TBC1D9: variants seen among roughly 807,000 people sequenced by gnomAD.
TBC1D9 encodes TBC1 domain family member 9A.
In TBC1D9, 63 loss-of-function variants were observed where a neutral mutation model predicts 132.0. The observed-to-expected ratio is 0.48, with a 90% confidence interval of 0.39 to 0.59. The LOEUF (loss-of-function observed/expected upper bound fraction) is 0.59. TBC1D9 is among the 20% of genes least tolerant of loss of function. TBC1D9 has a pLI of 0.00. For missense variants in TBC1D9, 1,261 were observed against 1,592.7 expected, an observed-to-expected ratio of 0.79 and a Z score of 3.54; for synonymous variants, 610 against 609.9, an observed-to-expected ratio of 1.00 and a Z score of 0.00.
chr4:140,670,902 T>C lies in TBC1D9; in HGVS notation c.1084A>G (p.Ser362Gly), dbSNP rs772401643. 6.2e-7 allele frequency: 1 copy of C among 1,613,994 alleles called. No individual in the cohort carries two copies. The highest frequency in any genetic ancestry group is 8.5e-7 in the Non-Finnish European group (1 of 1,179,870). The change falls in exon 7 of 21, where the codon AGC becomes GGC. Residue 362 changes from serine (S) to glycine (G), a missense_variant. Transcript: ENST00000442267. ...REVTIVEKAD[S>G]SSVLPSPLSI... ...AAGGGACTGGGGAGCACACTGGAGC[T>C]GTCTGCCTTTTCCACAATTGTCACC...
At chr4:140,739,838 G>GA (rs1198263897) in intron 1 of TBC1D9, among the ~76,000 whole-genome samples, 5 of 150,876 alleles carry the variant, frequency 3.3e-5, no homozygotes, top group East Asian at 1.9e-4. Context: ...CTATCATATT[G>GA]AAAAAAAAAA....
intron 1 of TBC1D9, among the ~76,000 whole-genome samples, chr4:140,725,575 C>T (rs1294667837): frequency 6.6e-6 from 1 of 152,084 alleles, no homozygotes; most frequent in East Asian, 1.9e-4. Context: ...CTTTTTACAA[C>T]TGGTGGCAGT....
At chr4:140,717,284 G>C (rs1738350127) in intron 1 of TBC1D9, among the ~76,000 whole-genome samples, 1 of 152,142 alleles carries the variant, frequency 6.6e-6, no homozygotes, top group Non-Finnish European at 1.5e-5. Context: ...GTTGGGAGAG[G>C]GGTCAGGAAA....
rs764818370 is a variant in TBC1D9, at chr4:140,622,176, C to A, written c.*19G>T. On this transcript the variant is annotated 3_prime_UTR_variant, in exon 21 of 21. Coordinates refer to ENST00000442267, the MANE Select transcript of TBC1D9 (RefSeq NM_015130.3). The stretch of plus-strand genomic sequence containing the variant: ...CCCTCCCCTCCCTCTCCTCCCACTC[C>A]CCCGGGAAGGCGCCCGTGTCAGCCG... The A allele has an allele frequency of 6.4e-7, 1 of 1,554,952 alleles. No individual in the cohort carries two copies.
chr4:140,641,985 G>A (rs1311794350), intron 13 of TBC1D9: 6 of 579,556 alleles, frequency 1.0e-5, no homozygotes, highest in Non-Finnish European at 1.9e-5. Context: ...CCGAAGAGTC[G>A]CTGAAGGAGG....
Position 140,742,917 on chromosome 4 carries a change from G to A in TBC1D9, c.130+12999C>T, listed in dbSNP as rs541530897. 3.3e-5 allele frequency among the ~76,000 whole-genome samples: 5 copies of A among 151,742 alleles called. No homozygotes were observed. In the South Asian group the frequency reaches 1.0e-3, roughly 32 times the overall value. On this transcript the variant is annotated intron_variant, in intron 1 of 20. Coordinates refer to ENST00000442267, the MANE Select transcript of TBC1D9 (RefSeq NM_015130.3). The stretch of plus-strand genomic sequence containing the variant: ...AGGAGGAGGAGGAGGAGGAGAAAGA[G>A]AAAGAAAGAAACTACCTTTTACTGG...
At chr4:140,644,290 G>A in intron 13 of TBC1D9, 1 of 296,936 alleles carries the variant, frequency 3.4e-6, no homozygotes, top group South Asian at 3.6e-5. Flanking sequence ...TCTTCCTTGC[G>A]GGTGATACCC....
chr4:140,667,462 T>C (rs1737465467), intron 9 of TBC1D9, among the ~76,000 whole-genome samples: 1 of 152,254 alleles, frequency 6.6e-6, no homozygotes, highest in Non-Finnish European at 1.5e-5. Flanking sequence ...GATCTGAATC[T>C]GGTTGTCAAG....
chr4:140,719,710 C>A (rs961026143), intron 1 of TBC1D9, among the ~76,000 whole-genome samples: 1 of 152,172 alleles, frequency 6.6e-6, no homozygotes, highest in African/African-American at 2.4e-5. Flanking sequence ...AAGAAAGAAG[C>A]AGCACATACA....
intron 16 of TBC1D9, among the ~76,000 whole-genome samples, chr4:140,631,143 C>T (rs1736788301): frequency 6.6e-6 from 1 of 152,198 alleles, no homozygotes; most frequent in Non-Finnish European, 1.5e-5. Context: ...ACTCATTATG[C>T]TATGTTTATA....
intron 13 of TBC1D9, among the ~76,000 whole-genome samples, chr4:140,653,532 G>C (rs1311181533): frequency 6.6e-6 from 1 of 152,056 alleles, no homozygotes; most frequent in African/African-American, 2.4e-5. Flanking sequence ...GTCTGGGATG[G>C]AGCCTAGGAG....
chr4:140,661,099 A>G (rs1320110167), intron 10 of TBC1D9, among the ~76,000 whole-genome samples: 2 of 152,116 alleles, frequency 1.3e-5, no homozygotes, highest in East Asian at 3.9e-4. Context: ...TATTTTTAGT[A>G]GAGACGGTGT....
chr4:140,730,018 G>A (rs567938818), intron 1 of TBC1D9, among the ~76,000 whole-genome samples: 3 of 152,156 alleles, frequency 2.0e-5, no homozygotes, highest in Admixed American at 1.3e-4. Flanking sequence ...ATTTTAGCAA[G>A]AGCCAGGGTT....
chr4:140,721,365 A>G (rs1213886869), intron 1 of TBC1D9, among the ~76,000 whole-genome samples: 1 of 152,180 alleles, frequency 6.6e-6, no homozygotes, highest in African/African-American at 2.4e-5. Context: ...AATCCTCACA[A>G]TATCCTAAGA....
chr4:140,633,479 A>G (rs1443792921), intron 16 of TBC1D9, among the ~76,000 whole-genome samples: 2 of 152,204 alleles, frequency 1.3e-5, no homozygotes. Flanking sequence ...AAAGGGAGAG[A>G]AAAGACTTCC....
intron 6 of TBC1D9, among the ~76,000 whole-genome samples, chr4:140,673,364 T>C (rs1737567657): frequency 6.6e-6 from 1 of 152,084 alleles, no homozygotes; most frequent in South Asian, 2.1e-4. Flanking sequence ...CAATTCTTGG[T>C]CTATACAATC....
At chr4:140,639,059 T>C in intron 15 of TBC1D9, 27 bp downstream of exon 15, 2 of 1,531,370 alleles carry the variant, frequency 1.3e-6, no homozygotes, top group Non-Finnish European at 8.9e-7. Flanking sequence ...CTCCTTTGAA[T>C]GGGCATGAAT....
intron 2 of TBC1D9, among the ~76,000 whole-genome samples, chr4:140,687,273 T>G (rs909848917): frequency 8.8e-5 from 13 of 147,284 alleles, no homozygotes; most frequent in African/African-American, 2.2e-4. Flanking sequence ...GAAAAATGGC[T>G]TTTTATAATT....
Position 140,621,573 on chromosome 4 carries a change from A to G in TBC1D9, c.*622T>C, listed in dbSNP as rs1245693469. ...ACAAGTGTTATTCTGGAATCATGTA[A>G]AAATCACTTACTTTCATAACTGTTT... is the stretch of plus-strand genomic sequence containing the variant. On this transcript the variant is annotated 3_prime_UTR_variant, in exon 21 of 21. Coordinates refer to ENST00000442267, the MANE Select transcript of TBC1D9 (RefSeq NM_015130.3). 6.6e-6 allele frequency: 1 copy of G among 152,248 alleles called. No individual in the cohort carries two copies. The highest frequency in any genetic ancestry group is 2.4e-5 in the African/African-American group (1 of 41,462). 9.4% of individuals were successfully genotyped at this position (152,248 alleles called of 1,614,324 possible). A position where few individuals can be genotyped will look rare whatever the true frequency, so the allele number is the denominator to read the frequency against.
Sources: allele counts gnomAD v4.1 joint callset (sites outside exome capture counted in the v4.1 genomes callset), GRCh38; gene constraint gnomAD v4.1.1; transcripts MANE v1.5; gene names NCBI Gene and HGNC (gene_info 2026-07-23, HGNC 2026-07-21).